Variants in PRSS38 observed in about 807,000 individuals in gnomAD.
The protein encoded by PRSS38 is marapsin 2.
A neutral mutation model predicts 26.8 loss-of-function variants in PRSS38; 22 were observed. That is an observed-to-expected ratio of 0.82 (90% CI 0.59 to 1.17). PRSS38 has a LOEUF of 1.17. Ranked by LOEUF, PRSS38 falls within the 50% of genes most tolerant of loss-of-function variation. PRSS38 has a pLI of 0.00. For synonymous variants in PRSS38, 175 were observed against 172.1 expected, an observed-to-expected ratio of 1.02 and a Z score of -0.13; for missense variants, 427 against 422.7, an observed-to-expected ratio of 1.01 and a Z score of -0.09.
At chr1:227,839,358 T>C (rs1665282617) in intron 3 of PRSS38, among the ~76,000 whole-genome samples, 1 of 151,960 alleles carries the variant, frequency 6.6e-6, no homozygotes. Context: ...TAGTCCCAGC[T>C]ACTTGGGAGG....
intron 3 of PRSS38, among the ~76,000 whole-genome samples, chr1:227,833,751 A>T (rs888336619): frequency 2.6e-5 from 4 of 152,246 alleles, no homozygotes; most frequent in Non-Finnish European, 5.9e-5. Context: ...AGACATTCAC[A>T]TACAAAAGAA....
chr1:227,820,289 CTGT>C (rs140912384), intron 3 of PRSS38, among the ~76,000 whole-genome samples: 2,756 of 151,666 alleles, frequency 0.018, 90 homozygotes, highest in African/African-American at 0.063. Context: ...ATTTGAATGG[CTGT>C]TATTTCTTTT....
rs955251089 is a variant in PRSS38, at chr1:227,821,220, A to AT, written c.583+3751dup. 5.3e-3 allele frequency among the ~76,000 whole-genome samples: 766 copies of AT among 144,798 alleles called. 3 individuals are homozygous for AT. The highest frequency in any genetic ancestry group is 0.011 in the Middle Eastern group (3 of 280). 95.0% of individuals were successfully genotyped at this position (144,798 alleles called of 152,430 possible). A position where few individuals can be genotyped will look rare whatever the true frequency, so the allele number is the denominator to read the frequency against. ...ATGTCCCTGCAAAGGACATGATCTC[A>AT]TTTTTTTTTTTGCACAATATTCCAT... On this transcript the variant is annotated intron_variant, in intron 3 of 4. Coordinates refer to ENST00000366757, the Ensembl canonical transcript of PRSS38.
At chr1:227,827,766 C>G (rs1665096539) in intron 3 of PRSS38, among the ~76,000 whole-genome samples, 1 of 151,788 alleles carries the variant, frequency 6.6e-6, no homozygotes, top group Non-Finnish European at 1.5e-5. Context: ...TTCTCTAGTT[C>G]TTTTAGTTGA....
chr1:227,822,133 T>C (rs1665012042), intron 3 of PRSS38, among the ~76,000 whole-genome samples: 1 of 152,134 alleles, frequency 6.6e-6, no homozygotes, highest in South Asian at 2.1e-4. Context: ...TTTAGTGAAG[T>C]TTTCATTTCC....
intron 3 of PRSS38, among the ~76,000 whole-genome samples, chr1:227,843,914 G>A (rs1286209590): frequency 6.6e-6 from 1 of 151,794 alleles, no homozygotes; most frequent in East Asian, 1.9e-4. Flanking sequence ...CAGCTACTCG[G>A]GAGGTGGAGG....
At chr1:227,842,902 C>A (rs1665359963) in intron 3 of PRSS38, among the ~76,000 whole-genome samples, 1 of 152,136 alleles carries the variant, frequency 6.6e-6, no homozygotes, top group Non-Finnish European at 1.5e-5. Context: ...TACCATGCAT[C>A]TTTGACAGAC....
At chr1:227,817,573 GTTT>G (rs1664942050) in intron 3 of PRSS38, 93 bp downstream of exon 3, 1 of 1,315,166 alleles carries the variant, frequency 7.6e-7, no homozygotes, top group South Asian at 1.4e-5. Flanking sequence ...GGGTCCAGGT[GTTT>G]GGGGACTGGA....
At position 227,816,623 on chromosome 1, in the gene PRSS38, G is replaced by T. The variant is rs74443680; in HGVS notation, c.311+371G>T. Among the ~76,000 whole-genome samples, 1 of 151,854 alleles carries T rather than the reference G, an allele frequency of 6.6e-6. No homozygotes were observed. The highest frequency in any genetic ancestry group is 1.5e-5 in the Non-Finnish European group (1 of 67,976). On this transcript the variant is annotated intron_variant, in intron 2 of 4. Transcript: ENST00000366757. The surrounding 1 kb of genome is among the most constrained non-coding windows in gnomAD (Gnocchi z 5.1). Reference sequence around the variant, plus strand: ...TGCAAGGCTGGTCCCCTAAGTGCACGACCAGGTCCCCACGAGTGAGGCTGG... The same window carrying T: ...TGCAAGGCTGGTCCCCTAAGTGCACTACCAGGTCCCCACGAGTGAGGCTGG...
intron 3 of PRSS38, among the ~76,000 whole-genome samples, chr1:227,825,562 G>A (rs973001817): frequency 2.0e-5 from 3 of 152,182 alleles, no homozygotes; most frequent in Non-Finnish European, 4.4e-5. Flanking sequence ...TGTATGTGGT[G>A]TAAGGAAGGG....
intron 3 of PRSS38, among the ~76,000 whole-genome samples, chr1:227,827,743 T>G (rs1393364638): frequency 6.6e-6 from 1 of 152,048 alleles, no homozygotes; most frequent in Non-Finnish European, 1.5e-5. Context: ...GCTTTGGGGT[T>G]TTTTGCTCTT....
chr1:227,817,554 C>T, intron 3 of PRSS38, 74 bp downstream of exon 3: 1 of 1,506,796 alleles, frequency 6.6e-7, no homozygotes, highest in South Asian at 1.2e-5. Flanking sequence ...AATGCTCTGC[C>T]AGCTAAGGGG....
chr1:227,845,735 AG>A, intron 4 of PRSS38, 123 bp downstream of exon 4: 2 of 1,278,896 alleles, frequency 1.6e-6, no homozygotes, highest in Non-Finnish European at 2.2e-6. Context: ...CAAGCTGAGC[AG>A]GGCGATGTAT....
chr1:227,841,841 G>A (rs79362272), intron 3 of PRSS38, among the ~76,000 whole-genome samples: 1,876 of 152,266 alleles, frequency 0.012, 37 homozygotes, highest in African/African-American at 0.043. Context: ...TTGTGTTGCT[G>A]TAAAGGAATA....
At chr1:227,828,668 C>T (rs567300233) in intron 3 of PRSS38, among the ~76,000 whole-genome samples, 2 of 152,312 alleles carry the variant, frequency 1.3e-5, no homozygotes, top group African/African-American at 2.4e-5. Flanking sequence ...GAAGGGTCCT[C>T]AACAAAGGAG....
chr1:227,834,404 C>T (rs1309256902), intron 3 of PRSS38, among the ~76,000 whole-genome samples: 3 of 151,970 alleles, frequency 2.0e-5, no homozygotes, highest in Non-Finnish European at 4.4e-5. Context: ...TGTAGTGGCT[C>T]GTGTGTATAA....
intron 3 of PRSS38, among the ~76,000 whole-genome samples, chr1:227,844,940 GT>G (rs1665399255): frequency 7.1e-6 from 1 of 140,632 alleles, no homozygotes; most frequent in Non-Finnish European, 1.6e-5. Flanking sequence ...CTCCCTATGT[GT>G]GGTGGGACTC....
intron 3 of PRSS38, among the ~76,000 whole-genome samples, chr1:227,831,280 T>A (rs1461135820): frequency 1.3e-5 from 2 of 152,220 alleles, no homozygotes; most frequent in Non-Finnish European, 2.9e-5. Flanking sequence ...AATTTTTTCT[T>A]CAAAGTTTCT....
chr1:227,839,238 T>G (rs1665280681), intron 3 of PRSS38, among the ~76,000 whole-genome samples: 1 of 152,124 alleles, frequency 6.6e-6, no homozygotes, highest in African/African-American at 2.4e-5. Flanking sequence ...GGTAGGAGGA[T>G]TGCTTGAAGC....
Sources: allele counts gnomAD v4.1 joint callset (sites outside exome capture counted in the v4.1 genomes callset), GRCh38; gene constraint gnomAD v4.1.1; non-coding constraint Gnocchi (gnomAD v3.1); transcripts MANE v1.5; gene names NCBI Gene and HGNC (gene_info 2026-07-23, HGNC 2026-07-21).